Variants in EXOC6B observed in about 807,000 individuals in gnomAD.
EXOC6B encodes the protein SEC15 homolog B.
Under a neutral mutation model 113.5 loss-of-function variants are expected in EXOC6B, and 54 were observed. The ratio of observed to expected loss-of-function variants is 0.48; its 90% confidence interval spans 0.38 to 0.60. EXOC6B has a LOEUF of 0.60. EXOC6B is among the 20% of genes least tolerant of loss of function. The pLI is 0.00. For synonymous variants in EXOC6B, 357 were observed against 339.0 expected, an observed-to-expected ratio of 1.05 and a Z score of -0.58; for missense variants, 797 against 977.5, an observed-to-expected ratio of 0.82 and a Z score of 2.46.
intron 1 of EXOC6B, among the ~76,000 whole-genome samples, chr2:72,786,381 T>C (rs1684378987): frequency 6.6e-6 from 1 of 152,218 alleles, no homozygotes; most frequent in African/African-American, 2.4e-5. Context: ...TATTTCACAC[T>C]GAGGATAAAA....
chr2:72,590,750 A>G (rs533146717), intron 6 of EXOC6B, among the ~76,000 whole-genome samples: 35 of 152,214 alleles, frequency 2.3e-4, no homozygotes, highest in African/African-American at 7.9e-4. Context: ...GATCAGTATC[A>G]TTACAGGGAG....
At chr2:72,584,313 A>C (rs964994803) in intron 6 of EXOC6B, among the ~76,000 whole-genome samples, 1 of 152,080 alleles carries the variant, frequency 6.6e-6, no homozygotes, top group Non-Finnish European at 1.5e-5. Context: ...ATTTGGGCCT[A>C]CTCATAGGCA....
intron 20 of EXOC6B, among the ~76,000 whole-genome samples, chr2:72,283,950 A>G (rs187796082): frequency 6.6e-6 from 1 of 152,272 alleles, no homozygotes; most frequent in East Asian, 1.9e-4. Flanking sequence ...GGTCAATCTG[A>G]AAAAGCATAT....
At chr2:72,304,326 C>T (rs1158099439) in intron 20 of EXOC6B, among the ~76,000 whole-genome samples, 2 of 152,072 alleles carry the variant, frequency 1.3e-5, no homozygotes, top group Non-Finnish European at 2.9e-5. Context: ...TAGAATATTA[C>T]TGAACAGAAG....
At chr2:72,293,356 C>T (rs1007073426) in intron 20 of EXOC6B, among the ~76,000 whole-genome samples, 3 of 152,018 alleles carry the variant, frequency 2.0e-5, no homozygotes, top group African/African-American at 4.8e-5. Context: ...ACAATATGGG[C>T]ACAGATTGGA....
At chr2:72,620,746 T>C (rs1280968004) in intron 6 of EXOC6B, among the ~76,000 whole-genome samples, 1 of 151,834 alleles carries the variant, frequency 6.6e-6, no homozygotes, top group Non-Finnish European at 1.5e-5. Context: ...AAAATATTCA[T>C]AAACTATGCA....
intron 8 of EXOC6B, among the ~76,000 whole-genome samples, chr2:72,545,737 ATAC>A (rs1702861974): frequency 6.6e-6 from 1 of 152,232 alleles, no homozygotes; most frequent in African/African-American, 2.4e-5. Context: ...AACCCTTCAA[ATAC>A]TACTACAAAA....
At chr2:72,465,974 C>T (rs1157781781) in intron 17 of EXOC6B, among the ~76,000 whole-genome samples, 3 of 152,102 alleles carry the variant, frequency 2.0e-5, no homozygotes, top group South Asian at 2.1e-4. Context: ...ATCTTCAGTA[C>T]AGATCTACTA....
At chr2:72,666,864 A>AT (rs1675433089) in intron 6 of EXOC6B, among the ~76,000 whole-genome samples, 1 of 150,508 alleles carries the variant, frequency 6.6e-6, no homozygotes, top group Admixed American at 6.6e-5. Context: ...GAGAGGAAAG[A>AT]TTTTTCTTTT....
At chr2:72,219,699 C>T (rs1279923410) in intron 20 of EXOC6B, among the ~76,000 whole-genome samples, 2 of 152,180 alleles carry the variant, frequency 1.3e-5, no homozygotes, top group Non-Finnish European at 2.9e-5. Context: ...TGGCCTCAAA[C>T]AAGTAGCACT....
At chr2:72,206,036 G>A (rs1417552799) in intron 20 of EXOC6B, among the ~76,000 whole-genome samples, 1 of 152,164 alleles carries the variant, frequency 6.6e-6, no homozygotes, top group African/African-American at 2.4e-5. Flanking sequence ...TAGAAACACA[G>A]GGGAAAAAGG....
At chr2:72,536,140 T>G (rs1333013746) in intron 8 of EXOC6B, among the ~76,000 whole-genome samples, 2 of 152,200 alleles carry the variant, frequency 1.3e-5, no homozygotes, top group African/African-American at 4.8e-5. Flanking sequence ...GTCTTGCTAT[T>G]TTTAAATTTG....
At chr2:72,674,860 T>C (rs1173356989) in intron 6 of EXOC6B, among the ~76,000 whole-genome samples, 2 of 152,014 alleles carry the variant, frequency 1.3e-5, no homozygotes, top group South Asian at 2.1e-4. Flanking sequence ...GATAAACAGA[T>C]AAATAGTGAT....
intron 20 of EXOC6B, among the ~76,000 whole-genome samples, chr2:72,274,015 A>G (rs918722490): frequency 6.6e-6 from 1 of 152,308 alleles, no homozygotes; most frequent in Non-Finnish European, 1.5e-5. Flanking sequence ...CAATATAATA[A>G]GAGTTCAGCG....
chr2:72,711,485 C>T (rs1449091645), intron 6 of EXOC6B, among the ~76,000 whole-genome samples: 1 of 152,026 alleles, frequency 6.6e-6, no homozygotes, highest in Non-Finnish European at 1.5e-5. Context: ...TACAGTAGCC[C>T]GCCAACCTCT....
At chr2:72,674,668 A>G (rs1436969790) in intron 6 of EXOC6B, among the ~76,000 whole-genome samples, 1 of 152,002 alleles carries the variant, frequency 6.6e-6, no homozygotes, top group East Asian at 1.9e-4. Flanking sequence ...CGTCTCTACT[A>G]AAAATACAAA....
intron 19 of EXOC6B, among the ~76,000 whole-genome samples, chr2:72,346,963 AAAGTT>A (rs1478773374): frequency 6.6e-6 from 1 of 152,150 alleles, no homozygotes; most frequent in Non-Finnish European, 1.5e-5. Flanking sequence ...AAAGGTCAAA[AAAGTT>A]AAGTCAGTGA....
intron 3 of EXOC6B, 39 bp downstream of exon 3, chr2:72,733,032 A>G: frequency 7.0e-7 from 1 of 1,434,768 alleles, no homozygotes. Context: ...GAGTGGCATG[A>G]AACAGAAAAG....
At chr2:72,628,343 G>C (rs1672185325) in intron 6 of EXOC6B, among the ~76,000 whole-genome samples, 1 of 151,612 alleles carries the variant, frequency 6.6e-6, no homozygotes. Flanking sequence ...TGCTCATACT[G>C]GTCTCGAACT....
Sources: allele counts gnomAD v4.1 joint callset (sites outside exome capture counted in the v4.1 genomes callset), GRCh38; gene constraint gnomAD v4.1.1; transcripts MANE v1.5; gene names NCBI Gene and HGNC (gene_info 2026-07-23, HGNC 2026-07-21).